The following NEURL1 variants were observed in gnomAD, a reference collection of about 807,000 sequenced individuals.
NEURL1 encodes the protein E3 ubiquitin-protein ligase NEURL1.
A neutral mutation model predicts 41.2 loss-of-function variants in NEURL1; 26 were observed. The ratio of observed to expected loss-of-function variants is 0.63; its 90% CI spans 0.46 to 0.87. NEURL1 has a LOEUF of 0.87. Ranked by LOEUF, NEURL1 falls within the 40% of genes least tolerant of loss-of-function variation. NEURL1 has a pLI of 0.00. For synonymous variants in NEURL1, 400 were observed against 402.3 expected (o/e 0.99, Z 0.07); for missense variants, 761 against 871.1 (o/e 0.87, Z 1.59).
intron 1 of NEURL1, among the ~76,000 whole-genome samples, chr10:103,518,587 C>T (rs2034270383): frequency 6.6e-6 from 1 of 152,126 alleles, no homozygotes; most frequent in African/African-American, 2.4e-5. Context: ...GAGGCAGATA[C>T]AGGGATTATG....
chr10:103,575,353 C>T (rs1353681758), intron 3 of NEURL1, among the ~76,000 whole-genome samples: 2 of 152,136 alleles, frequency 1.3e-5, no homozygotes, highest in Non-Finnish European at 2.9e-5. Flanking sequence ...TGAGGCTGGG[C>T]CAGTCTTTCC....
chr10:103,536,780 C>T (rs1248066099), intron 1 of NEURL1, among the ~76,000 whole-genome samples: 2 of 152,118 alleles, frequency 1.3e-5, no homozygotes, highest in Non-Finnish European at 2.9e-5. Flanking sequence ...AAAATTTAAA[C>T]ATTTAATTTA....
chr10:103,591,257 G>C lies in NEURL1; in HGVS notation c.*885G>C, dbSNP rs80351305. On this transcript the variant is annotated 3_prime_UTR_variant, in exon 6 of 6. Coordinates refer to ENST00000369780, the MANE Select transcript of NEURL1 (RefSeq NM_004210.5). ...GAACAGGTTTGCAGCTACCCTCTCT[G>C]ACCTTTTCCCCATATCTTGTGCTGT... The C allele has an allele frequency of 0.015, 2,340 of 153,004 alleles. 29 individuals carry two copies. Among genetic ancestry groups the C allele is most frequent in the Non-Finnish European group, 0.025 (1,706 of 68,220 alleles). 9.5% of individuals were successfully genotyped at this position (153,004 alleles called of 1,614,324 possible). A position where few individuals can be genotyped will look rare whatever the true frequency, so the allele number is the denominator to read the frequency against.
intron 1 of NEURL1, among the ~76,000 whole-genome samples, chr10:103,569,324 T>C (rs1202714304): frequency 6.6e-6 from 1 of 152,246 alleles, no homozygotes; most frequent in Non-Finnish European, 1.5e-5. Context: ...TCATTGTGCT[T>C]TACTGCCGAG....
chr10:103,514,133 T>G (rs1038057801), intron 1 of NEURL1, among the ~76,000 whole-genome samples: 24 of 151,938 alleles, frequency 1.6e-4, no homozygotes, highest in Non-Finnish European at 3.2e-4. Context: ...GACAGAGTCT[T>G]GCTGGAGTGT....
At chr10:103,549,655 T>G (rs2034994178) in intron 1 of NEURL1, among the ~76,000 whole-genome samples, 1 of 152,204 alleles carries the variant, frequency 6.6e-6, no homozygotes, top group African/African-American at 2.4e-5. Context: ...TTGTTCTTGA[T>G]GAAGGAAACA....
intron 1 of NEURL1, among the ~76,000 whole-genome samples, chr10:103,528,895 G>A (rs1043798162): frequency 1.3e-5 from 2 of 152,114 alleles, no homozygotes; most frequent in African/African-American, 4.8e-5. Flanking sequence ...GCTGATTTGG[G>A]GTTGCTACCC....
chr10:103,515,218 A>C, intron 1 of NEURL1: 1 of 135,318 alleles, frequency 7.4e-6, no homozygotes, highest in Non-Finnish European at 1.6e-5. Context: ...ACAGAGCAAG[A>C]CTCTGTCTCA....
chr10:103,570,340 G>A (rs1197923369), intron 1 of NEURL1, among the ~76,000 whole-genome samples: 2 of 152,184 alleles, frequency 1.3e-5, no homozygotes, highest in African/African-American at 2.4e-5. Flanking sequence ...GCCAGAGAGG[G>A]AAGTGTTGTC....
At chr10:103,498,255 T>A (rs2033733468) in intron 1 of NEURL1, among the ~76,000 whole-genome samples, 1 of 152,140 alleles carries the variant, frequency 6.6e-6, no homozygotes, top group East Asian at 1.9e-4. Flanking sequence ...TGAGACGGAG[T>A]CTCGCTCTGT....
At position 103,584,837 on chromosome 10, in the gene NEURL1, G is replaced by A; in HGVS notation, c.951G>A (p.Glu317=). The A allele has an allele frequency of 7.1e-7, 1 of 1,411,052 alleles. No homozygotes were observed. Among genetic ancestry groups the A allele is most frequent in the South Asian group, 1.5e-5 (1 of 66,640 alleles). 87.4% of individuals were successfully genotyped at this position (1,411,052 alleles called of 1,614,324 possible). A position where few individuals can be genotyped will look rare whatever the true frequency, so the allele number is the denominator to read the frequency against. ...ILDEQTVARV[E]HGRDERALVF... ...ACGAGCAGACGGTGGCGCGCGTGGAGCACGGGCGCGACGAGCGCGCGCTCG... is the reference window on the plus strand; with the variant it reads ...ACGAGCAGACGGTGGCGCGCGTGGAACACGGGCGCGACGAGCGCGCGCTCG... Residue 317 remains glutamate, a synonymous_variant, in exon 4 of 6, where the codon GAG becomes GAA. Transcript: ENST00000369780.
rs932129633 is a variant in NEURL1, at chr10:103,584,300, T to C, written c.650-236T>C. ...GCATATAGCAAGCACCTGTGAGCATTTGGAAGCATCCACATGGTTTCAGTT... is the reference window on the plus strand; with the variant it reads ...GCATATAGCAAGCACCTGTGAGCATCTGGAAGCATCCACATGGTTTCAGTT... On this transcript the variant is annotated intron_variant, in intron 3 of 5. Transcript: ENST00000369780. 5.9e-5 allele frequency among the ~76,000 whole-genome samples: 9 copies of C among 152,360 alleles called. 1 individual carries two copies. Among genetic ancestry groups the C allele is most frequent in the African/African-American group, 1.7e-4 (7 of 41,596 alleles).
rs548039489 is a variant in NEURL1 at position 103,556,478 on chromosome 10, G to A, written c.86-14394G>A. Reference sequence around the variant, plus strand: ...TGCCGAGTCCAGTGGGCACTGAGGAGCCTGGGAGAGGCTCAGGAAGGAAGG... The same window carrying A: ...TGCCGAGTCCAGTGGGCACTGAGGAACCTGGGAGAGGCTCAGGAAGGAAGG... On this transcript the variant is annotated intron_variant, in intron 1 of 5. Transcript: ENST00000369780. The surrounding 1 kb of genome is among the most constrained non-coding windows in gnomAD (Gnocchi z 4.4). Among the ~76,000 whole-genome samples, 1 of 152,282 alleles carries A rather than the reference G, an allele frequency of 6.6e-6. No individual in the cohort carries two copies. Among genetic ancestry groups the A allele is most frequent in the Non-Finnish European group, 1.5e-5 (1 of 68,026 alleles).
intron 3 of NEURL1, chr10:103,578,050 G>C (rs2035702679): frequency 6.6e-6 from 1 of 152,134 alleles, no homozygotes; most frequent in African/African-American, 2.4e-5. Context: ...GGAGGAGCTC[G>C]GGCCTTGCAG....
chr10:103,507,593 G>C (rs904923072), intron 1 of NEURL1, among the ~76,000 whole-genome samples: 3 of 152,166 alleles, frequency 2.0e-5, no homozygotes, highest in Non-Finnish European at 4.4e-5. Context: ...TGCACCTGGG[G>C]GCTCTGTGGA....
At position 103,519,216 on chromosome 10, in the gene NEURL1, C is replaced by T. The variant is rs184598628; in HGVS notation, c.85+24744C>T. ...GAGCCGAGATCGTGCCATCACACTCCAGCCTAGGCAACAGAGCAAGACTCT... is the reference window on the plus strand; with the variant it reads ...GAGCCGAGATCGTGCCATCACACTCTAGCCTAGGCAACAGAGCAAGACTCT... On this transcript the variant is annotated intron_variant, in intron 1 of 5. Coordinates refer to ENST00000369780, the MANE Select transcript of NEURL1 (RefSeq NM_004210.5). Among the ~76,000 whole-genome samples the T allele has an allele frequency of 3.2e-3, 486 of 152,098 alleles. 2 individuals are homozygous for T. Among genetic ancestry groups the T allele is most frequent in the African/African-American group, 0.01 (418 of 41,478 alleles).
intron 1 of NEURL1, among the ~76,000 whole-genome samples, chr10:103,511,427 C>T (rs769378613): frequency 2.6e-5 from 4 of 152,198 alleles, no homozygotes; most frequent in Non-Finnish European, 5.9e-5. Context: ...CCAGCAGCAT[C>T]TGAGGGGACC....
chr10:103,562,571 G>T (rs2035320448), intron 1 of NEURL1, among the ~76,000 whole-genome samples: 1 of 152,180 alleles, frequency 6.6e-6, no homozygotes. Flanking sequence ...AAATCATTCT[G>T]GATGCAGAAG....
intron 1 of NEURL1, among the ~76,000 whole-genome samples, chr10:103,539,098 C>T (rs1386970332): frequency 6.6e-6 from 1 of 152,072 alleles, no homozygotes; most frequent in East Asian, 1.9e-4. Context: ...AGGCATACAC[C>T]ACCATACTTG....
Sources: gnomAD v4.1 joint callset for allele counts (sites outside exome capture counted in the v4.1 genomes callset) on GRCh38, gnomAD v4.1.1 for gene constraint, Gnocchi (gnomAD v3.1) non-coding constraint, MANE v1.5 for transcripts, NCBI Gene and HGNC (gene_info 2026-07-23, HGNC 2026-07-21) for gene names.